Variants in NRG1 observed in about 807,000 individuals in gnomAD.
NRG1 encodes neuregulin 1.
A neutral mutation model predicts 63.8 loss-of-function variants in NRG1; 18 were observed. That is an observed-to-expected ratio of 0.28 (90% confidence interval 0.19 to 0.42). The LOEUF is 0.42. NRG1 is among the 10% of genes least tolerant of loss of function. NRG1 has a pLI of 1.00. For synonymous variants in NRG1, 302 were observed against 301.3 expected, an observed-to-expected ratio of 1.00 and a Z score of -0.02; for missense variants, 762 against 814.7, an observed-to-expected ratio of 0.94 and a Z score of 0.79.
chr8:32,410,980 A>G (rs1814849934), intron 1 of NRG1, among the ~76,000 whole-genome samples: 1 of 150,882 alleles, frequency 6.6e-6, no homozygotes, highest in Non-Finnish European at 1.5e-5. Flanking sequence ...GGTTCAAGCG[A>G]TTCTCCTGCC....
chr8:32,313,039 G>A lies in NRG1; in HGVS notation c.38-282789G>A, dbSNP rs147346650. On this transcript the variant is annotated intron_variant, in intron 1 of 10. Coordinates refer to the NRG1 transcript ENST00000519301. The stretch of plus-strand genomic sequence containing the variant: ...GTGGTGGTGGACGCCTGTAATCCCA[G>A]CTACTCGGGAGGCTGAGGCAGGAGA... Among the ~76,000 whole-genome samples the A allele has an allele frequency of 8.5e-4, 129 of 152,162 alleles. 2 individuals are homozygous for A. In the East Asian group the frequency reaches 0.022, roughly 26 times the overall value.
intron 1 of NRG1, among the ~76,000 whole-genome samples, chr8:31,930,561 A>T (rs531656102): frequency 1.1e-4 from 16 of 152,338 alleles, no homozygotes; most frequent in African/African-American, 3.8e-4. Context: ...AAGAGCTACA[A>T]ATGGCTAGCT....
chr8:31,873,577 A>AACAAT (rs1829674175), intron 1 of NRG1, among the ~76,000 whole-genome samples: 1 of 152,074 alleles, frequency 6.6e-6, no homozygotes, highest in Non-Finnish European at 1.5e-5. Flanking sequence ...AACAAAACAA[A>AACAAT]ACAAAACAAG....
intron 1 of NRG1, among the ~76,000 whole-genome samples, chr8:31,935,205 C>A (rs559031123): frequency 6.6e-6 from 1 of 152,210 alleles, no homozygotes; most frequent in South Asian, 2.1e-4. Flanking sequence ...CAACCTCAAC[C>A]TCCTGGGCTC....
At chr8:32,192,157 G>A (rs2132211293) in intron 1 of NRG1, 1 of 152,292 alleles carries the variant, frequency 6.6e-6, no homozygotes, top group South Asian at 2.1e-4. Context: ...TGATAAATTA[G>A]TTCAATCACT....
At chr8:32,642,741 A>G (rs1852665044) in intron 5 of NRG1, among the ~76,000 whole-genome samples, 4 of 152,238 alleles carry the variant, frequency 2.6e-5, no homozygotes, top group Admixed American at 2.6e-4. Context: ...TGCCAGCCGT[A>G]AAATTTAGGA....
intron 1 of NRG1, among the ~76,000 whole-genome samples, chr8:31,984,962 C>T (rs1809803233): frequency 6.6e-6 from 1 of 152,102 alleles, no homozygotes; most frequent in South Asian, 2.1e-4. Flanking sequence ...TTCTTACCTT[C>T]TTCTCTAAGA....
intron 5 of NRG1, among the ~76,000 whole-genome samples, chr8:32,727,039 C>T (rs1005704862): frequency 3.3e-5 from 5 of 151,772 alleles, no homozygotes; most frequent in African/African-American, 4.8e-5. Context: ...TTGGTTGGGA[C>T]TGAGTATTGC....
At chr8:32,721,703 G>T in intron 5 of NRG1, 1 of 475,654 alleles carries the variant, frequency 2.1e-6, no homozygotes, top group Non-Finnish European at 3.2e-6. Flanking sequence ...GACTTCTCAG[G>T]AAAAAATGCC....
At chr8:32,676,033 T>A (rs189908099) in intron 5 of NRG1, among the ~76,000 whole-genome samples, 1 of 152,338 alleles carries the variant, frequency 6.6e-6, no homozygotes, top group Admixed American at 6.5e-5. Context: ...CCTGAGATCA[T>A]GACAATAATA....
chr8:32,368,390 A>G (rs1378555679), intron 1 of NRG1, among the ~76,000 whole-genome samples: 2 of 152,004 alleles, frequency 1.3e-5, no homozygotes, highest in Non-Finnish European at 2.9e-5. Flanking sequence ...GCAAGATAGC[A>G]AGACCCTGTC....
At chr8:32,162,529 C>T (rs1838950372) in intron 1 of NRG1, among the ~76,000 whole-genome samples, 4 of 152,088 alleles carry the variant, frequency 2.6e-5, no homozygotes. Flanking sequence ...AACAAAATTA[C>T]TCCATTTAAT....
chr8:32,122,655 G>C (rs1833606491), intron 1 of NRG1, among the ~76,000 whole-genome samples: 1 of 151,406 alleles, frequency 6.6e-6, no homozygotes, highest in Non-Finnish European at 1.5e-5. Context: ...TTAAGTTTTA[G>C]GGTACATGTG....
rs188910916 is a variant in NRG1 at position 31,886,783 on chromosome 8, C to A, written c.37+247352C>A. Reference sequence around the variant, plus strand: ...CTCTAGATCATGCATGCTTTGGAAGCTACAAAGCTTCTCCAAATCTTGGAG... The same window carrying A: ...CTCTAGATCATGCATGCTTTGGAAGATACAAAGCTTCTCCAAATCTTGGAG... On this transcript the variant is annotated intron_variant, in intron 1 of 10. Transcript: ENST00000519301. Among the ~76,000 whole-genome samples the A allele has an allele frequency of 7.9e-5, 12 of 152,114 alleles. No individual in the cohort carries two copies. In the East Asian group the frequency reaches 2.3e-3, roughly 29 times the overall value.
chr8:32,575,477 G>C (rs1406805629), intron 1 of NRG1, among the ~76,000 whole-genome samples: 1 of 152,036 alleles, frequency 6.6e-6, no homozygotes, highest in Non-Finnish European at 1.5e-5. Context: ...AAACTTTGTA[G>C]TGGGCTGGAG....
At chr8:31,879,887 T>C (rs1446713929) in intron 1 of NRG1, among the ~76,000 whole-genome samples, 2 of 152,222 alleles carry the variant, frequency 1.3e-5, no homozygotes, top group Non-Finnish European at 2.9e-5. Context: ...AAATATATGA[T>C]TGTGTTCTTT....
At chr8:31,945,355 C>T (rs934333195) in intron 1 of NRG1, among the ~76,000 whole-genome samples, 72 of 152,122 alleles carry the variant, frequency 4.7e-4, no homozygotes, top group Admixed American at 2.6e-3. Context: ...TGAGTCCTTT[C>T]GCCAAGTCAT....
Position 31,640,447 on chromosome 8 carries a change from G to T in NRG1, c.37+1016G>T. On this transcript the variant is annotated intron_variant, in intron 1 of 10. Transcript: ENST00000519301. This position sits in a 1 kb window ranked among gnomAD's most constrained non-coding sequence, Gnocchi z 6.3. Reference sequence around the variant, plus strand: ...CCCGGTGCCCAGCGCCGGCGAGCCCGGGGAGGAGGCGCCCTATCTGGTGAA... The same window carrying T: ...CCCGGTGCCCAGCGCCGGCGAGCCCTGGGAGGAGGCGCCCTATCTGGTGAA... 1 of 1,547,824 alleles carries T rather than the reference G, an allele frequency of 6.5e-7. No individual in the cohort carries two copies. The highest frequency in any genetic ancestry group is 8.7e-7 in the Non-Finnish European group (1 of 1,148,504).
At chr8:32,178,039 A>T (rs1840991665) in intron 1 of NRG1, among the ~76,000 whole-genome samples, 1 of 152,090 alleles carries the variant, frequency 6.6e-6, no homozygotes, top group Non-Finnish European at 1.5e-5. Flanking sequence ...TCAGGAAAAG[A>T]GGGCAAGGCA....
Sources: allele counts gnomAD v4.1 joint callset (sites outside exome capture counted in the v4.1 genomes callset), GRCh38; gene constraint gnomAD v4.1.1; non-coding constraint Gnocchi (gnomAD v3.1); transcripts MANE v1.5; gene names NCBI Gene and HGNC (gene_info 2026-07-23, HGNC 2026-07-21).